The following CDH12 variants were observed in gnomAD, a reference collection of about 807,000 sequenced individuals.
CDH12 encodes the protein cadherin-12.
In CDH12, 41 loss-of-function variants were observed where a neutral mutation model predicts 74.1. The observed-to-expected ratio is 0.55, with a 90% CI of 0.43 to 0.72. The LOEUF (loss-of-function observed/expected upper bound fraction) is 0.72. CDH12 is among the 30% of genes least tolerant of loss of function. The pLI, the probability that CDH12 is intolerant of heterozygous loss-of-function variation, is 0.00. For synonymous variants in CDH12, 399 were observed against 355.0 expected, an observed-to-expected ratio of 1.12 and a Z score of -1.39; for missense variants, 945 against 977.2, an observed-to-expected ratio of 0.97 and a Z score of 0.44.
Position 21,752,223 on chromosome 5 carries a change from C to T in CDH12, c.1899G>A (p.Leu633=). 4 of 1,608,884 alleles carry T rather than the reference C, an allele frequency of 2.5e-6. No homozygotes were observed. Among genetic ancestry groups the T allele is most frequent in the Non-Finnish European group, 3.4e-6 (4 of 1,177,632 alleles). The change falls in exon 15 of 15, where the codon CTG becomes CTA. Residue 633 remains leucine (L), a synonymous_variant. Transcript: ENST00000382254. ...CIVILLAIVV[L]YVALRRQKKK... is the part of the protein sequence containing the mutation. ...TCTTCTGCCTTCGCAGTGCTACATA[C>T]AGTACAACTATGGCTGGAACAAGAC...
At chr5:22,742,510 T>C (rs1745078785) in intron 1 of CDH12, among the ~76,000 whole-genome samples, 1 of 151,922 alleles carries the variant, frequency 6.6e-6, no homozygotes, top group Non-Finnish European at 1.5e-5. Flanking sequence ...AGACGAAAAA[T>C]GGGTTACTCT....
chr5:22,552,063 C>T (rs1738598492), intron 1 of CDH12, among the ~76,000 whole-genome samples: 1 of 152,010 alleles, frequency 6.6e-6, no homozygotes, highest in South Asian at 2.1e-4. Context: ...TAGGAGTGAA[C>T]AGAGCATAGG....
intron 4 of CDH12, among the ~76,000 whole-genome samples, chr5:22,168,693 A>C (rs998459319): frequency 1.3e-5 from 2 of 151,636 alleles, no homozygotes; most frequent in Admixed American, 1.3e-4. Context: ...TCACATATGG[A>C]CACATATTAT....
At chr5:21,764,852 T>G in intron 12 of CDH12, 126 bp downstream of exon 12, 1 of 873,706 alleles carries the variant, frequency 1.1e-6, no homozygotes, top group Non-Finnish European at 1.8e-6. Context: ...TCTTTTATGG[T>G]TTCTTTTATG....
intron 6 of CDH12, among the ~76,000 whole-genome samples, chr5:21,869,612 A>G (rs1751511744): frequency 6.6e-6 from 1 of 152,188 alleles, no homozygotes; most frequent in Non-Finnish European, 1.5e-5. Flanking sequence ...TTAATTTTAT[A>G]TCATAGCATT....
chr5:22,214,926 C>A (rs557738645), intron 3 of CDH12, among the ~76,000 whole-genome samples: 1 of 152,214 alleles, frequency 6.6e-6, no homozygotes, highest in African/African-American at 2.4e-5. Flanking sequence ...TATGTTGGAA[C>A]ACTAATTGAT....
chr5:22,200,847 A>G (rs774285633), intron 4 of CDH12, among the ~76,000 whole-genome samples: 1 of 152,230 alleles, frequency 6.6e-6, no homozygotes, highest in Non-Finnish European at 1.5e-5. Flanking sequence ...GGAATATAGT[A>G]GTGAATGACA....
At chr5:22,267,821 A>T (rs1736205545) in intron 3 of CDH12, among the ~76,000 whole-genome samples, 1 of 152,166 alleles carries the variant, frequency 6.6e-6, no homozygotes, top group African/African-American at 2.4e-5. Flanking sequence ...CAAACTATCA[A>T]GGAGGACAAA....
chr5:22,594,037 A>G lies in CDH12; in HGVS notation c.-522-88673T>C, dbSNP rs774706237. Among the ~76,000 whole-genome samples, 77 of 152,208 alleles carry G rather than the reference A, an allele frequency of 5.1e-4. 2 individuals are homozygous for G. The highest frequency in any genetic ancestry group is 2.1e-4 in the Non-Finnish European group (14 of 68,042). ...GTCTGAGATACAAGCCCATTCAACAATGAGAAGGGTGTTCAAACCCATGTG... is the reference window on the plus strand; with the variant it reads ...GTCTGAGATACAAGCCCATTCAACAGTGAGAAGGGTGTTCAAACCCATGTG... On this transcript the variant is annotated intron_variant, in intron 1 of 14. Coordinates refer to ENST00000382254, the MANE Select transcript of CDH12 (RefSeq NM_004061.5).
chr5:22,240,192 T>G (rs183833828), intron 3 of CDH12, among the ~76,000 whole-genome samples: 1 of 152,322 alleles, frequency 6.6e-6, no homozygotes, highest in East Asian at 1.9e-4. Flanking sequence ...AAATGATAAA[T>G]GCTAATACTT....
rs750184183 is a variant in CDH12, at chr5:22,687,417, G to GT, written c.-523+165640dup. ...AAATTCCTCCACACTTTTTTGTTTT[G>GT]TTTTTTTTGAGACAGGGTCTCACTC... On this transcript the variant is annotated intron_variant, in intron 1 of 14. Transcript: ENST00000382254. Among the ~76,000 whole-genome samples, 287 of 151,506 alleles carry GT rather than the reference G, an allele frequency of 1.9e-3. 1 individual carries two copies. Among genetic ancestry groups the GT allele is most frequent in the Non-Finnish European group, 3.2e-3 (217 of 67,818 alleles).
At chr5:22,093,082 G>A (rs1241479209) in intron 4 of CDH12, among the ~76,000 whole-genome samples, 2 of 152,210 alleles carry the variant, frequency 1.3e-5, no homozygotes, top group East Asian at 3.9e-4. Flanking sequence ...CAGAGAGGTG[G>A]TTTACACAAA....
chr5:21,899,391 C>T (rs1206934522), intron 6 of CDH12, among the ~76,000 whole-genome samples: 2 of 152,108 alleles, frequency 1.3e-5, no homozygotes, highest in Non-Finnish European at 2.9e-5. Context: ...ATACTTGATA[C>T]AATTCAGTGA....
intron 3 of CDH12, among the ~76,000 whole-genome samples, chr5:22,269,793 A>T (rs1487382691): frequency 6.6e-6 from 1 of 152,174 alleles, no homozygotes; most frequent in Non-Finnish European, 1.5e-5. Context: ...CAAAAGTAAA[A>T]AGGTACCGAA....
At chr5:21,841,799 ATTG>A (rs1749869562) in intron 8 of CDH12, among the ~76,000 whole-genome samples, 1 of 144,686 alleles carries the variant, frequency 6.9e-6, no homozygotes, top group Non-Finnish European at 1.5e-5. Context: ...ATAGGTGGGA[ATTG>A]AACAATGAGA....
intron 1 of CDH12, among the ~76,000 whole-genome samples, chr5:22,531,354 G>C (rs1411936805): frequency 1.3e-5 from 2 of 151,924 alleles, no homozygotes; most frequent in Non-Finnish European, 2.9e-5. Context: ...CCATGTTATG[G>C]TGAATGATGC....
intron 6 of CDH12, among the ~76,000 whole-genome samples, chr5:21,890,708 G>A (rs902855751): frequency 6.6e-6 from 1 of 152,084 alleles, no homozygotes. Context: ...CAGCAGAGAT[G>A]TATATAAAGG....
chr5:22,138,853 T>TATATATATATATATAC (rs1380895202), intron 4 of CDH12, among the ~76,000 whole-genome samples: 2 of 124,758 alleles, frequency 1.6e-5, no homozygotes, highest in Admixed American at 8.1e-5. Flanking sequence ...GTAATATATA[T>TATATATATATATATAC]ATATATATAT....
chr5:22,553,714 G>A (rs532937894), intron 1 of CDH12, among the ~76,000 whole-genome samples: 1 of 152,218 alleles, frequency 6.6e-6, no homozygotes, highest in East Asian at 1.9e-4. Flanking sequence ...TTGATCTACA[G>A]CAGCAGTCCC....
Sources: allele counts gnomAD v4.1 joint callset (sites outside exome capture counted in the v4.1 genomes callset), GRCh38; gene constraint gnomAD v4.1.1; transcripts MANE v1.5; gene names NCBI Gene and HGNC (gene_info 2026-07-23, HGNC 2026-07-21).